Variants in JAM2 observed in about 807,000 individuals in gnomAD.
JAM2 encodes junctional adhesion molecule B.
A neutral mutation model predicts 42.0 loss-of-function variants in JAM2; 17 were observed. The ratio of observed to expected loss-of-function variants is 0.40; its 90% confidence interval spans 0.28 to 0.61. The LOEUF is 0.61. Among genes scored for constraint, JAM2 ranks in the 20% least tolerant of loss-of-function variants. The probability of loss-of-function intolerance (pLI) is 0.37; values close to 1 mark genes in which losing one functional copy is unlikely to be tolerated. For synonymous variants in JAM2, 118 were observed against 128.6 expected, an observed-to-expected ratio of 0.92 and a Z score of 0.56; for missense variants, 319 against 358.3, an observed-to-expected ratio of 0.89 and a Z score of 0.89.
chr21:25,712,216 C>T (rs755555725), intron 8 of JAM2, 124 bp from the exon 9 acceptor site: 2 of 717,174 alleles, frequency 2.8e-6, no homozygotes, highest in Admixed American at 3.9e-5. Context: ...TTTTTTCTAC[C>T]TAAGATATAT....
intron 7 of JAM2, 54 bp downstream of exon 7, chr21:25,706,140 AT>A (rs753582853): frequency 9.5e-7 from 1 of 1,053,114 alleles, no homozygotes; most frequent in Non-Finnish European, 1.5e-6. Flanking sequence ...TATGGAGTTT[AT>A]TTATGAGATA....
At chr21:25,686,008 A>G (rs750108650) in intron 2 of JAM2, among the ~76,000 whole-genome samples, 11 of 152,242 alleles carry the variant, frequency 7.2e-5, no homozygotes, top group Non-Finnish European at 8.8e-5. Flanking sequence ...AAAATGTATC[A>G]AGGTGAATTT....
At chr21:25,707,584 C>T (rs1298493753) in intron 7 of JAM2, among the ~76,000 whole-genome samples, 1 of 152,132 alleles carries the variant, frequency 6.6e-6, no homozygotes, top group African/African-American at 2.4e-5. Context: ...AAATTTAGAC[C>T]TCTTGTAACT....
At chr21:25,710,307 C>T (rs2034356959) in intron 8 of JAM2, 1 of 151,962 alleles carries the variant, frequency 6.6e-6, no homozygotes, top group Admixed American at 6.6e-5. Flanking sequence ...CAGCAGTGAA[C>T]AAAACAGGCC....
At position 25,714,665 on chromosome 21, in the gene JAM2, T is replaced by C; in HGVS notation, c.890T>C (p.Ile297Thr). 1 of 1,511,976 alleles carries C rather than the reference T, an allele frequency of 6.6e-7. No individual in the cohort carries two copies. The highest frequency in any genetic ancestry group is 2.3e-5 in the Admixed American group (1 of 43,098). 93.7% of individuals were successfully genotyped at this position (1,511,976 alleles called of 1,614,324 possible). A position where few individuals can be genotyped will look rare whatever the true frequency, so the allele number is the denominator to read the frequency against. Residue 297 changes from isoleucine to threonine, a missense_variant, in exon 10 of 10, where the codon ATA becomes ACA. Transcript: ENST00000480456. ...ENDFKHTKSF[I>T]I ...GATTTCAAGCACACAAAATCCTTTA[T>C]AATTTAAAGACTCCACTTTAGAGAT...
chr21:25,677,673 T>C (rs1454762949), intron 1 of JAM2, among the ~76,000 whole-genome samples: 1 of 152,210 alleles, frequency 6.6e-6, no homozygotes. Context: ...TTCAAAGGTA[T>C]GATGATACAG....
intron 7 of JAM2, among the ~76,000 whole-genome samples, chr21:25,706,302 C>T (rs536767840): frequency 1.8e-4 from 27 of 152,224 alleles, no homozygotes; most frequent in Admixed American, 1.4e-3. Context: ...ATGTCTCAGC[C>T]TCCCAAATAG....
At chr21:25,644,866 T>TTTTGTTTGTTTG (rs57234199) in intron 1 of JAM2, among the ~76,000 whole-genome samples, 17,156 of 151,382 alleles carry the variant, frequency 0.11, 1,066 homozygotes, top group South Asian at 0.24. Flanking sequence ...GGTTTTTTGG[T>TTTTGTTTGTTTG]TTTGTTTGTT....
intron 4 of JAM2, among the ~76,000 whole-genome samples, chr21:25,695,530 C>G (rs1323996453): frequency 6.6e-6 from 1 of 152,046 alleles, no homozygotes; most frequent in Non-Finnish European, 1.5e-5. Context: ...CAGAGGGGCT[C>G]CTCACTTCCC....
rs569858114 is a variant in JAM2 at position 25,712,950 on chromosome 21, G to C, written c.864+568G>C. ...ATTTATTTTCAGTTTTGGAGGCCAGGAAGTCCACAATCAAGGCACCAGTAG... is the reference window on the plus strand; with the variant it reads ...ATTTATTTTCAGTTTTGGAGGCCAGCAAGTCCACAATCAAGGCACCAGTAG... On this transcript the variant is annotated intron_variant, in intron 9 of 9. Transcript: ENST00000480456. 7.2e-5 allele frequency among the ~76,000 whole-genome samples: 11 copies of C among 152,314 alleles called. No homozygotes were observed. In the South Asian group the frequency reaches 2.1e-3, roughly 29 times the overall value.
At chr21:25,671,216 C>T (rs1284922734) in intron 1 of JAM2, among the ~76,000 whole-genome samples, 1 of 152,056 alleles carries the variant, frequency 6.6e-6, no homozygotes, top group Non-Finnish European at 1.5e-5. Context: ...GTGGTAAAAT[C>T]GAGAAAGCTT....
chr21:25,672,953 G>A (rs1425596195), intron 1 of JAM2, among the ~76,000 whole-genome samples: 1 of 152,072 alleles, frequency 6.6e-6, no homozygotes, highest in Admixed American at 6.5e-5. Flanking sequence ...TTTTGGAAGG[G>A]GTATTTCCTT....
intron 2 of JAM2, among the ~76,000 whole-genome samples, chr21:25,687,125 G>A (rs2033768437): frequency 6.6e-6 from 1 of 152,084 alleles, no homozygotes; most frequent in Non-Finnish European, 1.5e-5. Flanking sequence ...ATGGTATAAA[G>A]TATATATTTC....
intron 4 of JAM2, among the ~76,000 whole-genome samples, chr21:25,695,578 GGACGGGGCGGCGGCCGGGCAGAGGCGC>G (rs2033991085): frequency 7.9e-6 from 1 of 126,006 alleles, no homozygotes; most frequent in African/African-American, 3.1e-5. Context: ...CCCACCTCCC[GGACGGGGCGGCGGCCGGGCAGAGGCGC>G]CCCCCCACCT....
intron 1 of JAM2, among the ~76,000 whole-genome samples, chr21:25,653,953 A>T (rs914660812): frequency 6.6e-6 from 1 of 152,254 alleles, no homozygotes; most frequent in Non-Finnish European, 1.5e-5. Flanking sequence ...TTCAAAATGC[A>T]TTAATTATAA....
In JAM2 at chr21:25,708,046, C is replaced by T. The variant is rs114117348; in HGVS notation, c.806-1388C>T. On this transcript the variant is annotated intron_variant, in intron 7 of 9. Transcript: ENST00000480456. Reference sequence around the variant, plus strand: ...TATTTTTTGTGGAGACAGGTTCTTGCTCTGTTGTTCAGGCTGGTATTGAAC... The same window carrying T: ...TATTTTTTGTGGAGACAGGTTCTTGTTCTGTTGTTCAGGCTGGTATTGAAC... 7.1e-3 allele frequency among the ~76,000 whole-genome samples: 1,075 copies of T among 152,128 alleles called. 15 individuals carry two copies. The highest frequency in any genetic ancestry group is 0.024 in the African/African-American group (1,005 of 41,484).
chr21:25,672,046 G>A (rs1307629800), intron 1 of JAM2, among the ~76,000 whole-genome samples: 1 of 152,110 alleles, frequency 6.6e-6, no homozygotes, highest in Non-Finnish European at 1.5e-5. Flanking sequence ...GAGGTGGAGA[G>A]AGTTTAGTAG....
At chr21:25,709,846 A>G in intron 8 of JAM2, 1 of 162,986 alleles carries the variant, frequency 6.1e-6, no homozygotes, top group Non-Finnish European at 1.3e-5. Context: ...ACCAGATTTC[A>G]AGAAAACTCA....
At chr21:25,695,509 C>T (rs1166485600) in intron 4 of JAM2, among the ~76,000 whole-genome samples, 3 of 152,090 alleles carry the variant, frequency 2.0e-5, no homozygotes, top group African/African-American at 2.4e-5. Flanking sequence ...CCAGACGGGG[C>T]GGCCGCGGGG....
Sources: allele counts gnomAD v4.1 joint callset (sites outside exome capture counted in the v4.1 genomes callset), GRCh38; gene constraint gnomAD v4.1.1; transcripts MANE v1.5; gene names NCBI Gene and HGNC (gene_info 2026-07-23, HGNC 2026-07-21).